The following NDUFA10 variants were observed in gnomAD, a reference collection of about 807,000 sequenced individuals.
The protein encoded by NDUFA10 is NADH:ubiquinone oxidoreductase subunit A10.
A neutral mutation model predicts 47.8 loss-of-function variants in NDUFA10; 40 were observed. That is an observed-to-expected ratio of 0.84 (90% CI 0.65 to 1.09). The LOEUF is 1.09. Among genes scored for constraint, NDUFA10 ranks in the 50% least tolerant of loss-of-function variants. The pLI is 0.00. For synonymous variants in NDUFA10, 183 were observed against 172.2 expected, an observed-to-expected ratio of 1.06 and a Z score of -0.49; for missense variants, 413 against 451.1, an observed-to-expected ratio of 0.92 and a Z score of 0.76.
At chr2:239,978,752 A>T (rs1226727306) in intron 9 of NDUFA10, among the ~76,000 whole-genome samples, 1 of 152,240 alleles carries the variant, frequency 6.6e-6, no homozygotes, top group East Asian at 1.9e-4. Flanking sequence ...TGTTCTGTTA[A>T]AACTAGGCTG....
At chr2:239,920,928 G>A (rs900338280) in intron 4 of NDUFA10, among the ~76,000 whole-genome samples, 1 of 152,162 alleles carries the variant, frequency 6.6e-6, no homozygotes, top group Admixed American at 6.5e-5. Context: ...CAGGTGGGCA[G>A]GTTTCTCCTG....
chr2:239,931,653 T>C (rs1358870995), intron 4 of NDUFA10, among the ~76,000 whole-genome samples: 1 of 152,162 alleles, frequency 6.6e-6, no homozygotes, highest in African/African-American at 2.4e-5. Flanking sequence ...GTTTACTCAG[T>C]GAATGAATAC....
chr2:239,899,049 TGG>T (rs1693469351), intron 4 of NDUFA10, among the ~76,000 whole-genome samples: 1 of 41,796 alleles, frequency 2.4e-5, no homozygotes. Flanking sequence ...AGGGGTGTGA[TGG>T]AGGAGTGTGA....
chr2:239,925,085 A>G (rs10170174), intron 4 of NDUFA10, among the ~76,000 whole-genome samples: 71,865 of 151,986 alleles, frequency 0.47, 17,958 homozygotes, highest in African/African-American at 0.66. Context: ...GAAATACCAC[A>G]TTCATGAATT....
intron 1 of NDUFA10, among the ~76,000 whole-genome samples, chr2:240,023,697 T>C (rs1697736769): frequency 6.6e-6 from 1 of 152,208 alleles, no homozygotes; most frequent in Non-Finnish European, 1.5e-5. Flanking sequence ...AAATACTTTA[T>C]AGTGAAATTT....
At position 239,897,537 on chromosome 2, in the gene NDUFA10, A is replaced by G. The variant is rs1693419960; in HGVS notation, c.295-2223T>C. Among the ~76,000 whole-genome samples the G allele has an allele frequency of 5.9e-5, 9 of 152,262 alleles. 1 individual carries two copies. The South Asian group carries it at 1.7e-3, about 28-fold the overall frequency. On this transcript the variant is annotated intron_variant, in intron 4 of 5. Coordinates refer to the NDUFA10 transcript ENST00000419408. The stretch of plus-strand genomic sequence containing the variant: ...AAAACCAAATGGGGAAAAGCTGACT[A>G]TTTTTGTTGTTGTTATTGACAAGTG...
Position 239,906,613 on chromosome 2 carries a change from G to A in NDUFA10, c.295-11299C>T, listed in dbSNP as rs372916677. On this transcript the variant is annotated intron_variant, in intron 4 of 5. Coordinates refer to the NDUFA10 transcript ENST00000419408. This position sits in a 1 kb window ranked among gnomAD's most constrained non-coding sequence, Gnocchi z 4.3. ...TGGCAGTGCACCCCATGGATGGCAA[G>A]AGCCAACCAGCGTGCCCCCGGGAAT... is the stretch of plus-strand genomic sequence containing the variant. 4.1e-4 allele frequency among the ~76,000 whole-genome samples: 63 copies of A among 152,284 alleles called. 2 individuals are homozygous for A. In the East Asian group the frequency reaches 7.9e-3, roughly 19 times the overall value.
At chr2:239,952,572 G>T (rs1306355917), downstream of NDUFA10, among the ~76,000 whole-genome samples, 3 of 152,136 alleles carry the variant, frequency 2.0e-5, no homozygotes, top group Non-Finnish European at 4.4e-5. Flanking sequence ...TGGGTTTTTT[G>T]AACTTCCACG....
chr2:239,897,433 G>T (rs372904643), intron 4 of NDUFA10, among the ~76,000 whole-genome samples: 5 of 151,980 alleles, frequency 3.3e-5, no homozygotes, highest in African/African-American at 1.2e-4. Context: ...TAACATGCAC[G>T]TACCACACAC....
chr2:240,018,769 A>G (rs1697478272), intron 3 of NDUFA10, 130 bp from the exon 4 acceptor site: 1 of 1,054,604 alleles, frequency 9.5e-7, no homozygotes, highest in Non-Finnish European at 1.4e-6. Context: ...AAATACTGAA[A>G]AGAACATAGA....
At chr2:239,916,176 CACAA>C (rs553306956) in intron 4 of NDUFA10, among the ~76,000 whole-genome samples, 13 of 150,236 alleles carry the variant, frequency 8.7e-5, no homozygotes, top group Admixed American at 2.0e-4. Flanking sequence ...GAGATACTCA[CACAA>C]ACATACACAC....
chr2:239,921,188 G>A (rs150656066), intron 4 of NDUFA10, among the ~76,000 whole-genome samples: 22 of 152,244 alleles, frequency 1.4e-4, no homozygotes, highest in African/African-American at 4.8e-4. Flanking sequence ...GTAGGTAGGC[G>A]AGTGAGCTGC....
chr2:239,911,456 G>T (rs1693753107), intron 4 of NDUFA10, among the ~76,000 whole-genome samples: 1 of 152,120 alleles, frequency 6.6e-6, no homozygotes, highest in Admixed American at 6.5e-5. Flanking sequence ...CTTAAACCAA[G>T]AAAGGAGAAG....
At chr2:239,951,450 C>A (rs1176961339) in intron 4 of NDUFA10, among the ~76,000 whole-genome samples, 5 of 152,192 alleles carry the variant, frequency 3.3e-5, no homozygotes, top group Admixed American at 3.3e-4. Flanking sequence ...TGTTCTCAGG[C>A]CTCACTTCTG....
At chr2:239,908,137 T>C (rs1693688369) in intron 4 of NDUFA10, among the ~76,000 whole-genome samples, 1 of 151,810 alleles carries the variant, frequency 6.6e-6, no homozygotes. Context: ...CTGAGCAAAC[T>C]ATCGCAAGGA....
chr2:239,982,338 A>G (rs2106430061), intron 9 of NDUFA10: 1 of 1,382,998 alleles, frequency 7.2e-7, no homozygotes, highest in East Asian at 2.5e-5. Flanking sequence ...TCTTTTCTAA[A>G]AAGATTCTTG....
chr2:239,955,179 T>C (rs1694628921), downstream of NDUFA10, among the ~76,000 whole-genome samples: 1 of 152,056 alleles, frequency 6.6e-6, no homozygotes, highest in Non-Finnish European at 1.5e-5. Flanking sequence ...GGATAGAAAA[T>C]ATGTGAAAAC....
intron 9 of NDUFA10, among the ~76,000 whole-genome samples, chr2:239,980,909 C>G (rs1423958568): frequency 6.6e-6 from 1 of 152,242 alleles, no homozygotes; most frequent in Non-Finnish European, 1.5e-5. Context: ...GAGACCCCAG[C>G]TGGCACCCAG....
At position 240,005,293 on chromosome 2, in the gene NDUFA10, C is replaced by A. The variant is rs1296951500; in HGVS notation, c.807G>T (p.Val269=). Residue 269 remains valine, a splice_region_variant and synonymous_variant, in exon 8 of 10, where the codon GTG becomes GTT. Transcript: ENST00000252711. The part of the protein sequence containing the change: ...SAREAQDSKK[V]VEDIEYLKFD... ...ACTTCAGGTATTCAATGTCCTCTAC[C>A]ACCTAAGACAGGAAAAATTCCAATT... The A allele has an allele frequency of 1.9e-6, 3 of 1,613,116 alleles. No individual in the cohort carries two copies. Among genetic ancestry groups the A allele is most frequent in the Non-Finnish European group, 2.5e-6 (3 of 1,179,226 alleles).
Sources: gnomAD v4.1 joint callset for allele counts (sites outside exome capture counted in the v4.1 genomes callset) on GRCh38, gnomAD v4.1.1 for gene constraint, Gnocchi (gnomAD v3.1) non-coding constraint, MANE v1.5 for transcripts, NCBI Gene and HGNC (gene_info 2026-07-23, HGNC 2026-07-21) for gene names.